ZNF362: variants seen among roughly 807,000 people sequenced by gnomAD.
The protein encoded by ZNF362 is rotund homolog.
A neutral mutation model predicts 42.9 loss-of-function variants in ZNF362; 11 were observed. That is an observed-to-expected ratio of 0.26 (90% CI 0.16 to 0.42). The LOEUF (loss-of-function observed/expected upper bound fraction) is 0.42, where lower values mean the gene tolerates loss of function less well. Among genes scored for constraint, ZNF362 ranks in the 20% least tolerant of loss-of-function variants. ZNF362 has a pLI of 1.00. For missense variants in ZNF362, 362 were observed against 576.2 expected (o/e 0.63, Z 3.81); for synonymous variants, 255 against 257.3 (o/e 0.99, Z 0.09).
intron 6 of ZNF362, among the ~76,000 whole-genome samples, chr1:33,282,237 T>G (rs1646000641): frequency 6.6e-6 from 1 of 152,166 alleles, no homozygotes; most frequent in Non-Finnish European, 1.5e-5. Flanking sequence ...CCTCACTCAA[T>G]CTACTGGGAG....
At chr1:33,145,831 G>A in the ZNF362 span, 1 of 470,576 alleles carries the variant, frequency 2.1e-6, no homozygotes, top group South Asian at 1.6e-5. Flanking sequence ...ACGCAGGTGG[G>A]GCTTGCTCCA....
At chr1:33,277,933 T>G (rs1189113827) in intron 4 of ZNF362, among the ~76,000 whole-genome samples, 2 of 93,696 alleles carry the variant, frequency 2.1e-5, no homozygotes, top group Non-Finnish European at 4.2e-5. Context: ...GTTCCTCCCC[T>G]GTCGCCCCTG....
At chr1:33,293,718 T>C (rs536311910) in intron 6 of ZNF362, among the ~76,000 whole-genome samples, 28 of 152,304 alleles carry the variant, frequency 1.8e-4, no homozygotes, top group African/African-American at 6.5e-4. Context: ...AAACAGATGC[T>C]TGAAGACACG....
chr1:33,276,592 C>A lies in ZNF362; in HGVS notation c.347C>A (p.Thr116Lys). 3 of 1,347,420 alleles carry A rather than the reference C, an allele frequency of 2.2e-6. No homozygotes were observed. Among genetic ancestry groups the A allele is most frequent in the Non-Finnish European group, 2.8e-6 (3 of 1,055,256 alleles). The allele number at this position is 1,347,420 out of a possible 1,614,324, so 83.5% of individuals were successfully genotyped here. ...LHARPATSTV[T>K]GLGLSTRTPS... is the part of the protein sequence containing the mutation. Reference sequence around the variant, plus strand: ...GCACGGCCGGCCACCAGCACCGTCACAGGTAGGCCGAGCGGGCGGGGCCGG... The same window carrying A: ...GCACGGCCGGCCACCAGCACCGTCAAAGGTAGGCCGAGCGGGCGGGGCCGG... Residue 116 changes from threonine to lysine, a missense_variant and splice_region_variant, in exon 4 of 9, where the codon ACA becomes AAA. By Grantham distance (78) the Thr-to-Lys change is moderately conservative. Coordinates refer to ENST00000539719, the MANE Select transcript of ZNF362 (RefSeq NM_152493.3).
At chr1:33,128,346 C>T in the ZNF362 span, among the ~76,000 whole-genome samples, 2 of 152,110 alleles carry the variant, frequency 1.3e-5, no homozygotes, top group South Asian at 4.1e-4. Context: ...CACTGCACTC[C>T]AGTTTGGGCA....
chr1:33,230,718 G>C, the ZNF362 span, among the ~76,000 whole-genome samples: 1 of 152,254 alleles, frequency 6.6e-6, no homozygotes, highest in Non-Finnish European at 1.5e-5. Flanking sequence ...CAGCCTGGAA[G>C]CTGCGGCTGG....
chr1:33,283,183 A>C (rs1226256653), intron 6 of ZNF362, among the ~76,000 whole-genome samples: 1 of 152,114 alleles, frequency 6.6e-6, no homozygotes, highest in African/African-American at 2.4e-5. Flanking sequence ...GCTGGAGTGC[A>C]GTGTCATGAT....
At chr1:33,192,211 C>A in the ZNF362 span, among the ~76,000 whole-genome samples, 1 of 152,322 alleles carries the variant, frequency 6.6e-6, no homozygotes, top group East Asian at 1.9e-4. Flanking sequence ...CAACAACCAA[C>A]AAACTCCACC....
At chr1:33,149,859 G>A in the ZNF362 span, among the ~76,000 whole-genome samples, 15 of 152,166 alleles carry the variant, frequency 9.9e-5, no homozygotes, top group African/African-American at 3.4e-4. Context: ...GGCAAGGACC[G>A]TGTACTGTCT....
chr1:33,232,479 G>A, the ZNF362 span, among the ~76,000 whole-genome samples: 2 of 152,108 alleles, frequency 1.3e-5, no homozygotes, highest in Non-Finnish European at 2.9e-5. Flanking sequence ...GGCAAGGCTG[G>A]TCTCAAACTC....
At position 33,292,326 on chromosome 1, in the gene ZNF362, CAT is replaced by C. The variant is rs1216814345; in HGVS notation, c.909-2610_909-2609del. ...CCTTTTCTGCATCTATTGAGATAATCATGTGGTGTTTGTCGTTGGTTCTGTTT... is the reference window on the plus strand; with the variant it reads ...CCTTTTCTGCATCTATTGAGATAATCGTGGTGTTTGTCGTTGGTTCTGTTT... On this transcript the variant is annotated intron_variant, in intron 6 of 8. Transcript: ENST00000539719. 3.3e-5 allele frequency among the ~76,000 whole-genome samples: 5 copies of C among 152,318 alleles called. No homozygotes were observed. In the East Asian group the frequency reaches 5.8e-4, roughly 18 times the overall value.
chr1:33,240,412 C>T, the ZNF362 span, among the ~76,000 whole-genome samples: 3 of 152,206 alleles, frequency 2.0e-5, no homozygotes, highest in African/African-American at 7.2e-5. Context: ...TCCCTTAAAA[C>T]ATCTGAGCAA....
At chr1:33,247,200 CAA>C in the ZNF362 span, among the ~76,000 whole-genome samples, 1 of 152,120 alleles carries the variant, frequency 6.6e-6, no homozygotes, top group Non-Finnish European at 1.5e-5. Context: ...TCTAGCAACC[CAA>C]AGTTTGCAAA....
rs1646153889 is a variant in ZNF362, at chr1:33,299,821, C to T, written c.*775C>T. 1 of 152,806 alleles carries T rather than the reference C, an allele frequency of 6.5e-6. No homozygotes were observed. Among genetic ancestry groups the T allele is most frequent in the Admixed American group, 6.5e-5 (1 of 15,282 alleles). The allele number at this position is 152,806 out of a possible 1,614,324, so 9.5% of individuals were successfully genotyped here. ...CACCCCAGTCTACCTCGGTGCTGGC[C>T]AGGAAACCTTTCGGCTACCTCTCCC... On this transcript the variant is annotated 3_prime_UTR_variant, in exon 9 of 9. Coordinates refer to ENST00000539719, the MANE Select transcript of ZNF362 (RefSeq NM_152493.3).
In ZNF362 at chr1:33,270,422, A is replaced by G. The variant is rs374151606; in HGVS notation, c.-88-65A>G. The G allele has an allele frequency of 1.8e-4, 110 of 603,614 alleles. No homozygotes were observed. The East Asian group carries it at 2.3e-3, about 12-fold the overall frequency. The allele number at this position is 603,614 out of a possible 1,614,324, so 37.4% of individuals were successfully genotyped here. On this transcript the variant is annotated intron_variant, in intron 1 of 8. Coordinates refer to ENST00000539719, the MANE Select transcript of ZNF362 (RefSeq NM_152493.3). ...ATTCAACACATAGATGTTGAAATCA[A>G]TGGTAGCTGGCACTTTACTATTATT...
At chr1:33,239,731 C>T in the ZNF362 span, among the ~76,000 whole-genome samples, 1 of 152,170 alleles carries the variant, frequency 6.6e-6, no homozygotes, top group African/African-American at 2.4e-5. Flanking sequence ...ATTACCTCCA[C>T]CTTGTCCTGC....
the ZNF362 span, among the ~76,000 whole-genome samples, chr1:33,189,684 C>CACATATATACGT: frequency 5.9e-4 from 12 of 20,498 alleles, no homozygotes; most frequent in Middle Eastern, 0.028. Flanking sequence ...TATATATATA[C>CACATATATACGT]GTATATATAT....
upstream of ZNF362, chr1:33,256,471 G>GCCA: frequency 1.2e-5 from 2 of 169,462 alleles, no homozygotes; most frequent in Admixed American, 6.5e-5. Flanking sequence ...CGCCGCCGCC[G>GCCA]CCTCGGCGCT....
the ZNF362 span, among the ~76,000 whole-genome samples, chr1:33,228,564 C>G: frequency 6.6e-6 from 1 of 152,198 alleles, no homozygotes; most frequent in Non-Finnish European, 1.5e-5. Context: ...CTGCATTCTT[C>G]CAGTTGCATG....
Sources: allele counts gnomAD v4.1 joint callset (sites outside exome capture counted in the v4.1 genomes callset), GRCh38; gene constraint gnomAD v4.1.1; transcripts MANE v1.5; gene names NCBI Gene and HGNC (gene_info 2026-07-23, HGNC 2026-07-21).